RSRC1: variants seen among roughly 807,000 people sequenced by gnomAD.
RSRC1 encodes the protein arginine and serine rich coiled-coil 1, also known as serine/Arginine-related protein 53.
A neutral mutation model predicts 49.1 loss-of-function variants in RSRC1; 39 were observed. The observed-to-expected ratio is 0.79, with a 90% CI of 0.61 to 1.04. RSRC1 has a LOEUF of 1.04. Among genes scored for constraint, RSRC1 ranks in the 50% least tolerant of loss-of-function variants. The pLI is 0.00. For missense variants in RSRC1, 388 were observed against 402.4 expected (o/e 0.96, Z 0.31); for synonymous variants, 143 against 130.8 (o/e 1.09, Z -0.63).
At chr3:158,370,067 G>A (rs1731981624) in intron 6 of RSRC1, among the ~76,000 whole-genome samples, 1 of 151,800 alleles carries the variant, frequency 6.6e-6, no homozygotes, top group African/African-American at 2.4e-5. Context: ...ATGGTGTGAA[G>A]ACTTTTGTCC....
intron 4 of RSRC1, among the ~76,000 whole-genome samples, chr3:158,242,885 A>G (rs528251590): frequency 1.2e-3 from 177 of 151,988 alleles, no homozygotes; most frequent in African/African-American, 4.2e-3. Context: ...TCCTTTGCCC[A>G]CTTTTAATGG....
At chr3:158,542,432 G>C (rs913507942) in intron 8 of RSRC1, among the ~76,000 whole-genome samples, 16 of 152,362 alleles carry the variant, frequency 1.1e-4, no homozygotes, top group African/African-American at 3.6e-4. Flanking sequence ...ATACTCGGGA[G>C]GCTGAAGCAG....
chr3:158,211,565 C>G (rs1266306634), intron 4 of RSRC1, among the ~76,000 whole-genome samples: 1 of 151,912 alleles, frequency 6.6e-6, no homozygotes, highest in Non-Finnish European at 1.5e-5. Context: ...ATTTGCATTG[C>G]TATCAATTAT....
At chr3:158,177,265 C>T (rs933770942) in intron 3 of RSRC1, among the ~76,000 whole-genome samples, 2 of 152,124 alleles carry the variant, frequency 1.3e-5, no homozygotes, top group Non-Finnish European at 2.9e-5. Context: ...CTAGAAATAC[C>T]ATTTGACCCA....
chr3:158,156,518 C>G (rs1717888632), intron 3 of RSRC1, among the ~76,000 whole-genome samples: 1 of 152,200 alleles, frequency 6.6e-6, no homozygotes, highest in Non-Finnish European at 1.5e-5. Context: ...AGGCCTAGCT[C>G]TTGGTCTTTT....
intron 5 of RSRC1, among the ~76,000 whole-genome samples, chr3:158,311,799 A>G (rs1397516788): frequency 6.6e-6 from 1 of 152,186 alleles, no homozygotes; most frequent in Non-Finnish European, 1.5e-5. Context: ...GTGTATACAT[A>G]TATCAAAACA....
At chr3:158,357,671 ACTTGAGAC>A (rs1323921925) in intron 6 of RSRC1, among the ~76,000 whole-genome samples, 1 of 150,904 alleles carries the variant, frequency 6.6e-6, no homozygotes, top group Non-Finnish European at 1.5e-5. Context: ...AATAAGAAGA[ACTTGAGAC>A]CTGTCTGGTA....
At chr3:158,378,535 T>C (rs1732509206) in intron 6 of RSRC1, among the ~76,000 whole-genome samples, 1 of 152,356 alleles carries the variant, frequency 6.6e-6, no homozygotes, top group African/African-American at 2.4e-5. Context: ...TAGACCCAAA[T>C]TGTAACTTAC....
chr3:158,206,136 A>T (rs1393202157), intron 4 of RSRC1, among the ~76,000 whole-genome samples: 1 of 152,210 alleles, frequency 6.6e-6, no homozygotes, highest in African/African-American at 2.4e-5. Flanking sequence ...GAGTGCACTT[A>T]CCGCTAATAA....
intron 4 of RSRC1, chr3:158,225,791 A>T: frequency 2.5e-6 from 1 of 394,564 alleles, no homozygotes; most frequent in Non-Finnish European, 5.0e-6. Context: ...AACATTAATT[A>T]CCTTTAAAAT....
chr3:158,382,820 A>G (rs996937577), intron 6 of RSRC1, among the ~76,000 whole-genome samples: 3 of 152,120 alleles, frequency 2.0e-5, no homozygotes, highest in African/African-American at 7.2e-5. Flanking sequence ...TTGTTTTTAT[A>G]TTTTTATGAG....
intron 7 of RSRC1, among the ~76,000 whole-genome samples, chr3:158,529,309 ATATT>A (rs1243747537): frequency 6.6e-6 from 1 of 151,580 alleles, no homozygotes; most frequent in Non-Finnish European, 1.5e-5. Flanking sequence ...AATATCAAGA[ATATT>A]TATTACTTAT....
chr3:158,336,518 G>C (rs530659831), intron 5 of RSRC1: 99 of 156,378 alleles, frequency 6.3e-4, no homozygotes, highest in African/African-American at 2.2e-3. Flanking sequence ...CCCTGCCCAT[G>C]TGGAGGTGAC....
chr3:158,170,926 TG>T (rs1420758105), intron 3 of RSRC1, among the ~76,000 whole-genome samples: 1 of 152,178 alleles, frequency 6.6e-6, no homozygotes, highest in African/African-American at 2.4e-5. Flanking sequence ...CCCAGTCATG[TG>T]GAACTGCATG....
intron 1 of RSRC1, among the ~76,000 whole-genome samples, chr3:158,117,423 A>C (rs1181180003): frequency 6.6e-6 from 1 of 152,194 alleles, no homozygotes; most frequent in East Asian, 1.9e-4. Flanking sequence ...CAGCCCCCTC[A>C]AGTAGCTGGG....
chr3:158,196,950 G>A (rs573891320), intron 3 of RSRC1, among the ~76,000 whole-genome samples: 6 of 152,254 alleles, frequency 3.9e-5, no homozygotes, highest in South Asian at 4.1e-4. Context: ...AGGGATATTG[G>A]TCTAAAATTC....
intron 6 of RSRC1, among the ~76,000 whole-genome samples, chr3:158,422,659 C>A (rs1735146301): frequency 6.6e-6 from 1 of 151,000 alleles, no homozygotes. Flanking sequence ...ACACTGACTT[C>A]CACAATGGTT....
chr3:158,506,855 A>G (rs1739884010), intron 7 of RSRC1, among the ~76,000 whole-genome samples: 1 of 148,828 alleles, frequency 6.7e-6, no homozygotes, highest in Non-Finnish European at 1.5e-5. Flanking sequence ...GTATATATTT[A>G]TATATATTTT....
chr3:158,160,422 C>T (rs1028025834), intron 3 of RSRC1, among the ~76,000 whole-genome samples: 1 of 152,018 alleles, frequency 6.6e-6, no homozygotes, highest in African/African-American at 2.4e-5. Flanking sequence ...CTATTTGCTA[C>T]CTTTTTTGAG....
Sources: allele counts gnomAD v4.1 joint callset (sites outside exome capture counted in the v4.1 genomes callset), GRCh38; gene constraint gnomAD v4.1.1; transcripts MANE v1.5; gene names NCBI Gene and HGNC (gene_info 2026-07-23, HGNC 2026-07-21).